NOL4: variants seen among roughly 807,000 people sequenced by gnomAD.
NOL4 encodes the protein cancer/testis antigen 125.
NOL4 carries 17 observed loss-of-function variants against 75.9 expected under a neutral mutation model. The ratio of observed to expected loss-of-function variants is 0.22; its 90% CI spans 0.15 to 0.34. The LOEUF is 0.34. NOL4 is among the 10% of genes least tolerant of loss of function. The probability of loss-of-function intolerance (pLI) is 1.00; values close to 1 mark genes in which losing one functional copy is unlikely to be tolerated. For missense variants in NOL4, 614 were observed against 793.5 expected (o/e 0.77, Z 2.72); for synonymous variants, 292 against 289.9 (o/e 1.01, Z -0.07).
intron 9 of NOL4, among the ~76,000 whole-genome samples, chr18:33,919,417 G>A (rs937634890): frequency 2.0e-5 from 3 of 152,094 alleles, no homozygotes; most frequent in Admixed American, 2.0e-4. Flanking sequence ...GCTAGACCTG[G>A]GCTGCTGTTG....
In NOL4 at chr18:33,990,556, G is replaced by T. The variant is rs529361866; in HGVS notation, c.1056+28762C>A. ...TGTCCAAATCCTACAAATTGCCAAG[G>T]TCTAGACATTGGGCTGCTATACTCC... On this transcript the variant is annotated intron_variant, in intron 6 of 10. Coordinates refer to ENST00000261592, the MANE Select transcript of NOL4 (RefSeq NM_003787.5). Among the ~76,000 whole-genome samples the T allele has an allele frequency of 2.4e-4, 37 of 152,042 alleles. No homozygotes were observed. The East Asian group carries it at 3.3e-3, about 14-fold the overall frequency.
chr18:33,914,653 A>T (rs34755825), intron 9 of NOL4, among the ~76,000 whole-genome samples: 31,337 of 151,800 alleles, frequency 0.21, 3,584 homozygotes, highest in East Asian at 0.4. Context: ...GTGTGGGCAG[A>T]TTGACTTTTG....
intron 9 of NOL4, among the ~76,000 whole-genome samples, chr18:33,928,251 G>C (rs1397593129): frequency 6.6e-6 from 1 of 152,050 alleles, no homozygotes; most frequent in Admixed American, 6.6e-5. Context: ...TATCAACATC[G>C]TAGGTTAAAT....
At chr18:33,876,829 A>C (rs1301372451) in intron 10 of NOL4, among the ~76,000 whole-genome samples, 2 of 152,044 alleles carry the variant, frequency 1.3e-5, no homozygotes, top group Non-Finnish European at 2.9e-5. Context: ...AGACAATATC[A>C]TTGTTACAGG....
At chr18:34,195,741 A>G (rs144805734) in intron 1 of NOL4, among the ~76,000 whole-genome samples, 42 of 152,266 alleles carry the variant, frequency 2.8e-4, no homozygotes, top group African/African-American at 9.6e-4. Flanking sequence ...AACTAGTTGT[A>G]TGCATTTTAT....
chr18:33,859,266 C>T (rs2062979496), intron 10 of NOL4, among the ~76,000 whole-genome samples: 1 of 151,994 alleles, frequency 6.6e-6, no homozygotes, highest in Non-Finnish European at 1.5e-5. Flanking sequence ...GTAGCATTTT[C>T]ATCTTTGATA....
At position 33,999,151 on chromosome 18, in the gene NOL4, T is replaced by G. The variant is rs555949807; in HGVS notation, c.1056+20167A>C. Among the ~76,000 whole-genome samples, 8 of 151,662 alleles carry G rather than the reference T, an allele frequency of 5.3e-5. No homozygotes were observed. The South Asian group carries it at 1.7e-3, about 32-fold the overall frequency. ...GATACAGATAATGCTGAGTTTTTTT[T>G]TTTTTTTTTTAGACAGTCTGCTCCA... On this transcript the variant is annotated intron_variant, in intron 6 of 10. Transcript: ENST00000261592.
chr18:33,993,809 T>G (rs899762872), intron 6 of NOL4, among the ~76,000 whole-genome samples: 2 of 151,562 alleles, frequency 1.3e-5, no homozygotes, highest in Non-Finnish European at 2.9e-5. Context: ...GTATAGTGAT[T>G]GTAATAAAAA....
intron 5 of NOL4, among the ~76,000 whole-genome samples, chr18:34,062,524 T>C (rs1032741368): frequency 6.6e-6 from 1 of 152,138 alleles, no homozygotes; most frequent in African/African-American, 2.4e-5. Flanking sequence ...TTCATAAGTG[T>C]ATAACATGCA....
At chr18:34,113,663 C>T (rs2079716818) in intron 2 of NOL4, among the ~76,000 whole-genome samples, 1 of 151,888 alleles carries the variant, frequency 6.6e-6, no homozygotes, top group Non-Finnish European at 1.5e-5. Flanking sequence ...AAAACAGTGT[C>T]CTGTCTTTGG....
chr18:34,174,691 C>T (rs985568640), intron 1 of NOL4, among the ~76,000 whole-genome samples: 8 of 152,146 alleles, frequency 5.3e-5, no homozygotes, highest in African/African-American at 7.2e-5. Context: ...CCCCACCTCC[C>T]GACAGGCCCC....
chr18:33,891,841 C>T (rs945111264), intron 9 of NOL4, among the ~76,000 whole-genome samples: 1 of 152,082 alleles, frequency 6.6e-6, no homozygotes, highest in Non-Finnish European at 1.5e-5. Context: ...ACTAAGTAGC[C>T]AGATAATTTA....
chr18:34,039,443 T>G (rs796085463), intron 5 of NOL4, among the ~76,000 whole-genome samples: 12 of 152,138 alleles, frequency 7.9e-5, no homozygotes, highest in African/African-American at 2.9e-4. Flanking sequence ...AATCTCTAAT[T>G]TACACATTTC....
intron 9 of NOL4, among the ~76,000 whole-genome samples, chr18:33,903,744 A>G (rs1215451027): frequency 6.6e-6 from 1 of 152,168 alleles, no homozygotes; most frequent in Non-Finnish European, 1.5e-5. Context: ...CCATAACTAG[A>G]CAAGGCTTAT....
At chr18:34,189,171 G>A (rs900246793) in intron 1 of NOL4, among the ~76,000 whole-genome samples, 1 of 152,136 alleles carries the variant, frequency 6.6e-6, no homozygotes, top group African/African-American at 2.4e-5. Context: ...GCCTTGTGCT[G>A]CATCATAACA....
chr18:33,939,640 C>T (rs898580676), intron 9 of NOL4, among the ~76,000 whole-genome samples: 4 of 152,074 alleles, frequency 2.6e-5, no homozygotes, highest in African/African-American at 9.7e-5. Flanking sequence ...TGAGACTTTG[C>T]TGAAGTTGCT....
chr18:34,108,048 A>C (rs1364996844), intron 2 of NOL4, among the ~76,000 whole-genome samples: 2 of 152,168 alleles, frequency 1.3e-5, no homozygotes, highest in Non-Finnish European at 1.5e-5. Context: ...ACTCAACTTC[A>C]GCTTCACTTT....
At position 33,914,594 on chromosome 18, in the gene NOL4, T is replaced by TTCAGATGAGTCATGATGGTGAGTTGG. The variant is rs1350647577; in HGVS notation, c.1542+28445_1542+28470dup. Among the ~76,000 whole-genome samples the TTCAGATGAGTCATGATGGTGAGTTGG allele has an allele frequency of 5.3e-5, 8 of 152,084 alleles. 1 individual carries two copies. In the South Asian group the frequency reaches 6.2e-4, roughly 12 times the overall value. On this transcript the variant is annotated intron_variant, in intron 9 of 10. Coordinates refer to ENST00000261592, the MANE Select transcript of NOL4 (RefSeq NM_003787.5). The stretch of plus-strand genomic sequence containing the variant: ...ACTGGCTAGGAAGTCATTGTAATAA[T>TTCAGATGAGTCATGATGGTGAGTTGG]TCAGATGAGTCATGATGGTGAGTTG...
chr18:33,888,953 A>G (rs972159488), intron 9 of NOL4, among the ~76,000 whole-genome samples: 3 of 152,070 alleles, frequency 2.0e-5, no homozygotes, highest in African/African-American at 7.2e-5. Flanking sequence ...CATCACTATT[A>G]AAAGAACTAG....
Sources: gnomAD v4.1 joint callset for allele counts (sites outside exome capture counted in the v4.1 genomes callset) on GRCh38, gnomAD v4.1.1 for gene constraint, MANE v1.5 for transcripts, NCBI Gene and HGNC (gene_info 2026-07-23, HGNC 2026-07-21) for gene names.